FBXO36: variants seen among roughly 807,000 people sequenced by gnomAD.
The protein encoded by FBXO36 is F-box protein 36, also known as F-box only protein 36.
In FBXO36, 18 loss-of-function variants were observed where a neutral mutation model predicts 17.0. That is an observed-to-expected ratio of 1.06 (90% CI 0.73 to 1.57). The LOEUF (loss-of-function observed/expected upper bound fraction) is 1.57, where lower values mean the gene tolerates loss of function less well. Ranked by LOEUF, FBXO36 falls within the 40% of genes most tolerant of loss-of-function variation. FBXO36 has a pLI of 0.00. For missense variants in FBXO36, 229 were observed against 221.9 expected (o/e 1.03, Z -0.20); for synonymous variants, 83 against 85.3 (o/e 0.97, Z 0.15).
intron 2 of FBXO36, among the ~76,000 whole-genome samples, chr2:229,990,276 T>C (rs891770642): frequency 1.3e-5 from 2 of 149,712 alleles, no homozygotes; most frequent in African/African-American, 2.4e-5. Context: ...ACACACACTT[T>C]ATATATATAC....
chr2:229,999,536 C>T (rs1457362513), intron 3 of FBXO36, among the ~76,000 whole-genome samples: 1 of 148,936 alleles, frequency 6.7e-6, no homozygotes, highest in Non-Finnish European at 1.5e-5. Flanking sequence ...TATATACACA[C>T]ACACACATAT....
At chr2:230,000,011 G>T (rs2077349998) in intron 3 of FBXO36, among the ~76,000 whole-genome samples, 1 of 151,834 alleles carries the variant, frequency 6.6e-6, no homozygotes, top group Non-Finnish European at 1.5e-5. Flanking sequence ...ATATATTTTT[G>T]CCATTAAATA....
intron 1 of FBXO36, among the ~76,000 whole-genome samples, chr2:229,952,939 G>A (rs1451638616): frequency 2.0e-5 from 3 of 152,182 alleles, no homozygotes; most frequent in African/African-American, 7.2e-5. Context: ...AGGTGCCAAC[G>A]TGACCAATAT....
At position 229,980,350 on chromosome 2, in the gene FBXO36, C is replaced by T. The variant is rs550428275; in HGVS notation, c.205+4001C>T. On this transcript the variant is annotated intron_variant, in intron 2 of 3. Coordinates refer to ENST00000283946, the MANE Select transcript of FBXO36 (RefSeq NM_174899.5). ...TGCCGGGGATTATAGATGTGAGCCACGGCGCCCTGCCTCCATTTTATTTTC... is the reference window on the plus strand; with the variant it reads ...TGCCGGGGATTATAGATGTGAGCCATGGCGCCCTGCCTCCATTTTATTTTC... Among the ~76,000 whole-genome samples, 6 of 147,944 alleles carry T rather than the reference C, an allele frequency of 4.1e-5. No homozygotes were observed. The South Asian group carries it at 6.3e-4, about 15-fold the overall frequency.
At chr2:230,008,041 T>C (rs2077396020) in intron 3 of FBXO36, among the ~76,000 whole-genome samples, 1 of 152,172 alleles carries the variant, frequency 6.6e-6, no homozygotes, top group Admixed American at 6.5e-5. Context: ...GCCCAAGAAT[T>C]TGACCAATCG....
intron 1 of FBXO36, 140 bp downstream of exon 1, chr2:229,922,749 C>T (rs1044690210): frequency 2.5e-5 from 20 of 799,884 alleles, no homozygotes; most frequent in South Asian, 1.1e-4. Flanking sequence ...GGGAGATTTT[C>T]CTCGTCACCT....
At chr2:229,929,801 G>A (rs572309719) in intron 1 of FBXO36, among the ~76,000 whole-genome samples, 168 of 152,318 alleles carry the variant, frequency 1.1e-3, no homozygotes, top group African/African-American at 3.8e-3. Context: ...GGAGGTTGCA[G>A]TGAGCAGAGA....
intron 1 of FBXO36, among the ~76,000 whole-genome samples, chr2:229,955,018 A>G (rs2077079593): frequency 6.7e-6 from 1 of 149,642 alleles, no homozygotes; most frequent in Admixed American, 6.7e-5. Flanking sequence ...CCCGGCTAAT[A>G]TTTTTGTATT....
intron 2 of FBXO36, among the ~76,000 whole-genome samples, chr2:229,985,276 TA>T (rs2077262236): frequency 6.6e-6 from 1 of 152,212 alleles, no homozygotes; most frequent in African/African-American, 2.4e-5. Context: ...TTACGTAAAA[TA>T]CCAGTTACTT....
At chr2:229,993,244 T>C (rs2077306897) in intron 2 of FBXO36, among the ~76,000 whole-genome samples, 1 of 152,182 alleles carries the variant, frequency 6.6e-6, no homozygotes, top group African/African-American at 2.4e-5. Flanking sequence ...GCTAGATCTT[T>C]TTCTTCCAGA....
intron 1 of FBXO36, among the ~76,000 whole-genome samples, chr2:229,936,521 A>T (rs2076964871): frequency 6.6e-6 from 1 of 152,216 alleles, no homozygotes; most frequent in African/African-American, 2.4e-5. Flanking sequence ...ATAAGTTCAG[A>T]TTAATAATAT....
intron 2 of FBXO36, among the ~76,000 whole-genome samples, chr2:229,984,427 G>C (rs566135661): frequency 2.1e-5 from 3 of 143,328 alleles, no homozygotes; most frequent in Non-Finnish European, 3.0e-5. Context: ...GTCTCGCTCT[G>C]TCGCCCGGGC....
intron 1 of FBXO36, chr2:229,973,465 G>C (rs1292932768): frequency 3.9e-5 from 6 of 152,064 alleles, no homozygotes; most frequent in African/African-American, 1.4e-4. Context: ...GGCTACACCT[G>C]CAATATCACC....
intron 1 of FBXO36, among the ~76,000 whole-genome samples, chr2:229,931,818 G>A (rs1172336767): frequency 2.6e-5 from 4 of 152,012 alleles, no homozygotes; most frequent in African/African-American, 4.8e-5. Flanking sequence ...TGGCCTGGGC[G>A]ACAGAGTGAG....
intron 3 of FBXO36, among the ~76,000 whole-genome samples, chr2:230,006,268 G>A (rs910888968): frequency 3.3e-5 from 5 of 151,948 alleles, no homozygotes; most frequent in African/African-American, 4.8e-5. Context: ...GCTAATTTTC[G>A]TATTTTTAGT....
chr2:229,965,033 G>T (rs1418880159), intron 1 of FBXO36, among the ~76,000 whole-genome samples: 1 of 151,538 alleles, frequency 6.6e-6, no homozygotes, highest in African/African-American at 2.4e-5. Flanking sequence ...TTCTTTGATT[G>T]TTTCTGGATT....
intron 1 of FBXO36, among the ~76,000 whole-genome samples, chr2:229,949,197 C>G (rs2077042605): frequency 6.6e-6 from 1 of 152,178 alleles, no homozygotes; most frequent in Non-Finnish European, 1.5e-5. Flanking sequence ...GATGTTGTCT[C>G]ATTCAACTGG....
At chr2:229,957,191 A>T (rs1360980671) in intron 1 of FBXO36, among the ~76,000 whole-genome samples, 1 of 152,230 alleles carries the variant, frequency 6.6e-6, no homozygotes, top group African/African-American at 2.4e-5. Flanking sequence ...AAGGGCATAG[A>T]TGCAGGCATC....
intron 3 of FBXO36, among the ~76,000 whole-genome samples, chr2:230,002,035 A>C (rs1271329030): frequency 6.6e-6 from 1 of 151,672 alleles, no homozygotes; most frequent in Admixed American, 6.6e-5. Context: ...ACGGGGTTTT[A>C]CCACGTTGGC....
Sources: allele counts gnomAD v4.1 joint callset (sites outside exome capture counted in the v4.1 genomes callset), GRCh38; gene constraint gnomAD v4.1.1; transcripts MANE v1.5; gene names NCBI Gene and HGNC (gene_info 2026-07-23, HGNC 2026-07-21).